The following WDR37 variants were observed in gnomAD, a reference collection of about 807,000 sequenced individuals.
WDR37 encodes the protein WD repeat-containing protein 37.
In WDR37, 19 loss-of-function variants were observed where a neutral mutation model predicts 62.9. The ratio of observed to expected loss-of-function variants is 0.30; its 90% CI spans 0.21 to 0.44. The LOEUF is 0.44. Among genes scored for constraint, WDR37 ranks in the 20% least tolerant of loss-of-function variants. The pLI, the probability that WDR37 is intolerant of heterozygous loss-of-function variation, is 1.00. For missense variants in WDR37, 474 were observed against 657.6 expected, an observed-to-expected ratio of 0.72 and a Z score of 3.05; for synonymous variants, 250 against 260.9, an observed-to-expected ratio of 0.96 and a Z score of 0.40.
chr10:1,102,067 T>C, intron 9 of WDR37, among the ~76,000 whole-genome samples: 1 of 151,406 alleles, frequency 6.6e-6, no homozygotes, highest in African/African-American at 2.4e-5. Context: ...TGTGCGTCCA[T>C]GTGACATGTT....
In WDR37 at chr10:1,105,407, C is replaced by T. The variant is rs192622104; in HGVS notation, c.1103+140C>T. 1.7e-6 allele frequency: 2 copies of T among 1,168,224 alleles called. No homozygotes were observed. Among genetic ancestry groups the T allele is most frequent in the East Asian group, 5.2e-5 (2 of 38,612 alleles). 72.4% of individuals were successfully genotyped at this position (1,168,224 alleles called of 1,614,324 possible). A position where few individuals can be genotyped will look rare whatever the true frequency, so the allele number is the denominator to read the frequency against. ...AAAAATAACTACCTTTCAAATTCTG[C>T]TATTCTTTTTCTAAACATTTAGCTC... is the stretch of plus-strand genomic sequence containing the variant. On this transcript the variant is annotated intron_variant, in intron 11 of 13. Transcript: ENST00000263150. The surrounding 1 kb of genome is among the most constrained non-coding windows in gnomAD (Gnocchi z 5.3).
chr10:1,078,086 A>T, intron 3 of WDR37, 83 bp downstream of exon 3: 1 of 1,087,252 alleles, frequency 9.2e-7, no homozygotes, highest in Non-Finnish European at 1.3e-6. Flanking sequence ...TCACTATATT[A>T]GTTTTCTGTT....
Position 1,126,214 on chromosome 10 carries a change from A to G in WDR37, c.1353+1190A>G, listed in dbSNP as rs183740721. Reference sequence around the variant, plus strand: ...AGGTCAGGAGATCGAGACCATCCTGACTAACACGGTGAAACCCTGTCTCTA... The same window carrying G: ...AGGTCAGGAGATCGAGACCATCCTGGCTAACACGGTGAAACCCTGTCTCTA... On this transcript the variant is annotated intron_variant, in intron 13 of 13. Transcript: ENST00000263150. 9.7e-3 allele frequency among the ~76,000 whole-genome samples: 1,479 copies of G among 151,878 alleles called. 13 individuals are homozygous for G. Among genetic ancestry groups the G allele is most frequent in the African/African-American group, 0.022 (908 of 41,278 alleles).
intron 9 of WDR37, among the ~76,000 whole-genome samples, chr10:1,100,420 G>A (rs1247257466): frequency 6.7e-6 from 1 of 148,762 alleles, no homozygotes; most frequent in Non-Finnish European, 1.5e-5. Context: ...CTCCTTAGGT[G>A]GAAAGCAGTT....
chr10:1,106,315 C>T (rs1564508952), intron 11 of WDR37, among the ~76,000 whole-genome samples: 1 of 152,162 alleles, frequency 6.6e-6, no homozygotes, highest in Non-Finnish European at 1.5e-5. Flanking sequence ...CCCGGCCGCT[C>T]CTCGCTCCTC....
intron 2 of WDR37, 99 bp from the exon 3 acceptor site, chr10:1,077,808 A>G (rs2131622364): frequency 1.1e-6 from 1 of 870,858 alleles, no homozygotes; most frequent in East Asian, 2.7e-5. Flanking sequence ...AATACAAAAT[A>G]AGAGTTTACA....
chr10:1,066,335 C>G (rs1034908354), intron 1 of WDR37, among the ~76,000 whole-genome samples: 5 of 152,162 alleles, frequency 3.3e-5, no homozygotes, highest in Non-Finnish European at 7.4e-5. Context: ...CTAGGATGGT[C>G]TCGAAGTCCT....
chr10:1,124,017 G>C (rs1048857662), intron 11 of WDR37: 1 of 614,934 alleles, frequency 1.6e-6, no homozygotes, highest in Non-Finnish European at 2.8e-6. Flanking sequence ...GTGTGTTTCT[G>C]ATCCACTGGG....
chr10:1,093,343 A>G, intron 7 of WDR37, 109 bp from the exon 8 acceptor site: 2 of 817,796 alleles, frequency 2.4e-6, no homozygotes, highest in Non-Finnish European at 3.9e-6. Flanking sequence ...CAAATATTGA[A>G]CTCATAGTTC....
At position 1,105,876 on chromosome 10, in the gene WDR37, C is replaced by T. The variant is rs980747216; in HGVS notation, c.1103+609C>T. On this transcript the variant is annotated intron_variant, in intron 11 of 13. Transcript: ENST00000263150. The surrounding 1 kb of genome is among the most constrained non-coding windows in gnomAD (Gnocchi z 5.3). ...TCTCGGCTCACTGCAAGCTCCGCCT[C>T]CCGGGTTCACGCCATTCTCCTGCCT... 6.6e-6 allele frequency among the ~76,000 whole-genome samples: 1 copy of T among 152,098 alleles called. No individual in the cohort carries two copies.
Position 1,093,506 on chromosome 10 carries a change from T to G in WDR37, c.649+10T>G. The G allele has an allele frequency of 6.2e-7, 1 of 1,602,170 alleles. No homozygotes were observed. Among genetic ancestry groups the G allele is most frequent in the Non-Finnish European group, 8.5e-7 (1 of 1,173,004 alleles). ...CAGTTGGCTCTCACTGGTATGTTGA[T>G]TTTTTTCTTTATTGAACAAAATGAT... On this transcript the variant is annotated intron_variant, in intron 8 of 13. Transcript: ENST00000263150.
chr10:1,117,353 T>G (rs1835433696), intron 11 of WDR37, among the ~76,000 whole-genome samples: 1 of 152,224 alleles, frequency 6.6e-6, no homozygotes, highest in Non-Finnish European at 1.5e-5. Context: ...TGAGCCTGGC[T>G]GCCTATTGAT....
chr10:1,115,195 G>T (rs1835351533), intron 11 of WDR37, among the ~76,000 whole-genome samples: 1 of 152,160 alleles, frequency 6.6e-6, no homozygotes, highest in Admixed American at 6.5e-5. Flanking sequence ...AAAAACAGGA[G>T]ATCATCTCAA....
chr10:1,089,938 T>A (rs1032162249), intron 7 of WDR37, among the ~76,000 whole-genome samples: 1 of 152,172 alleles, frequency 6.6e-6, no homozygotes, highest in African/African-American at 2.4e-5. Flanking sequence ...CTCTTCCTCC[T>A]GGGGACTTGT....
At chr10:1,099,966 C>A (rs909685477) in intron 9 of WDR37, among the ~76,000 whole-genome samples, 1 of 127,034 alleles carries the variant, frequency 7.9e-6, no homozygotes. Context: ...TGATGGTGGG[C>A]GTGGTGGAGA....
At chr10:1,125,753 C>T (rs893817659) in intron 13 of WDR37, among the ~76,000 whole-genome samples, 3 of 152,194 alleles carry the variant, frequency 2.0e-5, no homozygotes, top group Non-Finnish European at 1.5e-5. Context: ...GGACCTCTTC[C>T]ACCTCCAGCC....
intron 2 of WDR37, among the ~76,000 whole-genome samples, chr10:1,077,500 C>T (rs1178095126): frequency 2.0e-5 from 3 of 152,082 alleles, no homozygotes; most frequent in African/African-American, 7.3e-5. Context: ...GGTGCCTCTT[C>T]CATGAGGGTC....
intron 13 of WDR37, 112 bp from the exon 14 acceptor site, chr10:1,129,101 G>A: frequency 6.8e-7 from 1 of 1,466,058 alleles, no homozygotes. Context: ...ACACCATGTT[G>A]TTTTCCTATA....
intron 11 of WDR37, among the ~76,000 whole-genome samples, chr10:1,117,529 A>G (rs1397095051): frequency 6.6e-6 from 1 of 152,226 alleles, no homozygotes; most frequent in Non-Finnish European, 1.5e-5. Flanking sequence ...TCTACTGGAC[A>G]GCTTTGTTTC....
Sources: gnomAD v4.1 joint callset for allele counts (sites outside exome capture counted in the v4.1 genomes callset) on GRCh38, gnomAD v4.1.1 for gene constraint, Gnocchi (gnomAD v3.1) non-coding constraint, MANE v1.5 for transcripts, NCBI Gene and HGNC (gene_info 2026-07-23, HGNC 2026-07-21) for gene names.